FGF13: variants seen among roughly 807,000 people sequenced by gnomAD.
The protein encoded by FGF13 is fibroblast growth factor 13, also known as fibroblast growth factor homologous factor 2.
FGF13 carries 2 observed loss-of-function variants against 19.5 expected under a neutral mutation model. The ratio of observed to expected loss-of-function variants is 0.10; its 90% confidence interval spans 0.04 to 0.32. FGF13 has a LOEUF of 0.32. Among genes scored for constraint, FGF13 ranks in the 10% least tolerant of loss-of-function variants. The pLI, the probability that FGF13 is intolerant of heterozygous loss-of-function variation, is 1.00. For synonymous variants in FGF13, 72 were observed against 76.9 expected, an observed-to-expected ratio of 0.94 and a Z score of 0.33; for missense variants, 113 against 192.7, an observed-to-expected ratio of 0.59 and a Z score of 2.45.
chrX:138,650,360 G>C (rs1208817370), intron 3 of FGF13, among the ~76,000 whole-genome samples: 1 of 111,857 alleles, frequency 8.9e-6, no homozygotes, highest in African/African-American at 3.2e-5. Flanking sequence ...GATTATCCTA[G>C]AGCAAGGAAC....
In FGF13 at chrX:138,779,539, C is replaced by T. The variant is rs754395369; in HGVS notation, c.218-70611G>A. The stretch of plus-strand genomic sequence containing the variant: ...AATGCAGAAGCCTCAGGAGCCGATG[C>T]GATCAACTGGAAGAAAGGGTATCAG... On this transcript the variant is annotated intron_variant, in intron 3 of 6. Transcript: ENST00000436198. Among the ~76,000 whole-genome samples, 40 of 108,828 alleles carry T rather than the reference C, an allele frequency of 3.7e-4. 1 individual carries two copies. The South Asian group carries it at 9.6e-3, about 26-fold the overall frequency. 94.5% of individuals were successfully genotyped at this position (108,828 alleles called of 115,157 possible). A position where few individuals can be genotyped will look rare whatever the true frequency, so the allele number is the denominator to read the frequency against.
At chrX:138,700,975 A>G (rs2089940655) in intron 3 of FGF13, among the ~76,000 whole-genome samples, 1 of 112,022 alleles carries the variant, frequency 8.9e-6, no homozygotes, top group African/African-American at 3.2e-5. Context: ...TAGGCTATGC[A>G]TTTTCAACGC....
intron 3 of FGF13, among the ~76,000 whole-genome samples, chrX:138,847,906 G>C (rs1442138753): frequency 9.0e-6 from 1 of 111,675 alleles, no homozygotes; most frequent in Non-Finnish European, 1.9e-5. Context: ...CTTGAGTCAA[G>C]CTTTGCAATC....
At chrX:139,086,430 G>T (rs1328733651) in intron 1 of FGF13, among the ~76,000 whole-genome samples, 1 of 112,351 alleles carries the variant, frequency 8.9e-6, no homozygotes, top group Admixed American at 9.4e-5. Context: ...GAAAGTGTCT[G>T]GGAACTAGAT....
At chrX:138,946,999 G>C (rs1407658934) in intron 1 of FGF13, among the ~76,000 whole-genome samples, 1 of 112,207 alleles carries the variant, frequency 8.9e-6, no homozygotes, top group Non-Finnish European at 1.9e-5. Context: ...CGATTGCAGA[G>C]GCCACAGGAC....
At chrX:139,014,043 A>C (rs1400836418) in intron 1 of FGF13, among the ~76,000 whole-genome samples, 1 of 111,456 alleles carries the variant, frequency 9.0e-6, no homozygotes, top group Non-Finnish European at 1.9e-5. Context: ...AAAAATTTAG[A>C]AAATGTATTG....
downstream of FGF13, among the ~76,000 whole-genome samples, chrX:138,854,760 A>G (rs1377524394): frequency 9.0e-6 from 1 of 111,568 alleles, no homozygotes; most frequent in Non-Finnish European, 1.9e-5. Flanking sequence ...TAAAAAAATA[A>G]TCTCATTAGA....
chrX:139,066,620 G>A (rs997832591), intron 1 of FGF13, among the ~76,000 whole-genome samples: 3 of 111,532 alleles, frequency 2.7e-5, no homozygotes, highest in African/African-American at 6.5e-5. Context: ...AACTTCTGAA[G>A]TCTAGGCAGT....
chrX:138,943,815 A>C (rs1217237182), intron 1 of FGF13, among the ~76,000 whole-genome samples: 1 of 111,776 alleles, frequency 8.9e-6, no homozygotes, highest in African/African-American at 3.3e-5. Flanking sequence ...AGGGTATAAC[A>C]GGATAAGTGG....
chrX:139,037,974 T>A (rs113533714), intron 1 of FGF13, among the ~76,000 whole-genome samples: 2,800 of 111,377 alleles, frequency 0.025, 80 homozygotes, highest in African/African-American at 0.087. Flanking sequence ...ACAGGCTACA[T>A]CAAACCAACT....
intron 1 of FGF13, among the ~76,000 whole-genome samples, chrX:139,125,370 T>C (rs926848561): frequency 9.8e-5 from 11 of 112,297 alleles, no homozygotes; most frequent in Admixed American, 1.9e-4. Flanking sequence ...TGCAAAATTA[T>C]GGATGTTGTA....
chrX:138,972,514 G>A (rs751247824), intron 1 of FGF13, among the ~76,000 whole-genome samples: 244 of 108,657 alleles, frequency 2.2e-3, no homozygotes, highest in African/African-American at 6.9e-3. Flanking sequence ...CGGCCACCAT[G>A]CCCGGCTAAT....
At chrX:138,828,659 C>T (rs911858079) in intron 3 of FGF13, among the ~76,000 whole-genome samples, 2 of 110,891 alleles carry the variant, frequency 1.8e-5, no homozygotes, top group African/African-American at 6.5e-5. Flanking sequence ...AAGCCACTTA[C>T]TAGTAAGGCT....
chrX:138,973,324 T>C (rs2091926433), intron 1 of FGF13, among the ~76,000 whole-genome samples: 1 of 112,460 alleles, frequency 8.9e-6, no homozygotes, highest in Admixed American at 9.4e-5. Context: ...CTCCTGTTAT[T>C]GATTTCTAAT....
chrX:138,845,021 A>G (rs1463867492), intron 3 of FGF13, among the ~76,000 whole-genome samples: 2 of 111,776 alleles, frequency 1.8e-5, no homozygotes, highest in Non-Finnish European at 3.8e-5. Context: ...TAGAACAGTC[A>G]ATGCCACCCT....
At chrX:139,044,146 CTGTT>C (rs1174966045) in intron 1 of FGF13, among the ~76,000 whole-genome samples, 2 of 112,058 alleles carry the variant, frequency 1.8e-5, no homozygotes, top group Non-Finnish European at 3.8e-5. Context: ...GTATATTTTA[CTGTT>C]TGTTAGGCCA....
intron 3 of FGF13, among the ~76,000 whole-genome samples, chrX:138,800,413 C>A (rs1602874702): frequency 8.9e-6 from 1 of 111,949 alleles, no homozygotes; most frequent in Non-Finnish European, 1.9e-5. Context: ...CCACTCTCTT[C>A]TGGCTTGTAG....
At position 138,622,519 on chromosome X, in the gene FGF13, A is replaced by G. The variant is rs1440650441; in HGVS notation, c.*10331T>C. 1 of 112,454 alleles carries G rather than the reference A, an allele frequency of 8.9e-6. No individual in the cohort carries two copies. The highest frequency in any genetic ancestry group is 1.9e-5 in the Non-Finnish European group (1 of 53,226). The allele number at this position is 112,454 out of a possible 1,213,427, so 9.3% of individuals were successfully genotyped here. ...TGATAGTCAGTAGTGAAATGCTGAA[A>G]GCTTTTCTTCTGAAATCAGGATGAA... On this transcript the variant is annotated 3_prime_UTR_variant, in exon 5 of 5. Coordinates refer to ENST00000315930, the MANE Select transcript of FGF13 (RefSeq NM_004114.5).
At chrX:138,714,661 G>GCGCGCACA (rs767582261), upstream of FGF13, 4 of 110,072 alleles carry the variant, frequency 3.6e-5, no homozygotes, top group African/African-American at 1.3e-4. Context: ...ACACGCGCGC[G>GCGCGCACA]CACACACACA....
Sources: gnomAD v4.1 joint callset for allele counts (sites outside exome capture counted in the v4.1 genomes callset) on GRCh38, gnomAD v4.1.1 for gene constraint, MANE v1.5 for transcripts, NCBI Gene and HGNC (gene_info 2026-07-23, HGNC 2026-07-21) for gene names.